The following ZBTB2 variants were observed in gnomAD, a reference collection of about 807,000 sequenced individuals.
The protein encoded by ZBTB2 is zinc finger and BTB domain containing 2, also known as zinc finger and BTB domain-containing protein 2.
In ZBTB2, 2 loss-of-function variants were observed where a neutral mutation model predicts 39.5. That is an observed-to-expected ratio of 0.05 (90% CI 0.02 to 0.16). ZBTB2 has a LOEUF of 0.16. ZBTB2 is among the 10% of genes least tolerant of loss of function. The pLI is 1.00. For missense variants in ZBTB2, 391 were observed against 653.0 expected, an observed-to-expected ratio of 0.60 and a Z score of 4.37; for synonymous variants, 251 against 256.6, an observed-to-expected ratio of 0.98 and a Z score of 0.21.
intron 1 of ZBTB2, among the ~76,000 whole-genome samples, chr6:151,387,959 A>G (rs1029013454): frequency 6.6e-6 from 1 of 152,212 alleles, no homozygotes; most frequent in Non-Finnish European, 1.5e-5. Flanking sequence ...AATTCGAAGT[A>G]ATATTTTAAT....
chr6:151,383,486 A>G (rs1779086081), intron 1 of ZBTB2, among the ~76,000 whole-genome samples: 1 of 152,132 alleles, frequency 6.6e-6, no homozygotes, highest in Admixed American at 6.5e-5. Context: ...ATGTTATTTC[A>G]CTCACTTTGG....
chr6:151,372,499 TG>T (rs569735118), intron 2 of ZBTB2, among the ~76,000 whole-genome samples: 5 of 150,884 alleles, frequency 3.3e-5, no homozygotes, highest in Non-Finnish European at 7.4e-5. Context: ...GGGGGCAGGG[TG>T]GGGGGTGTAT....
intron 1 of ZBTB2, among the ~76,000 whole-genome samples, chr6:151,374,621 A>G (rs1445995204): frequency 2.0e-5 from 3 of 152,290 alleles, no homozygotes; most frequent in East Asian, 3.9e-4. Context: ...TGCCTTCTCC[A>G]TAAGATTGGG....
chr6:151,377,777 G>A (rs1261338139), intron 1 of ZBTB2, among the ~76,000 whole-genome samples: 6 of 151,724 alleles, frequency 4.0e-5, no homozygotes, highest in Admixed American at 6.6e-5. Context: ...CTTGTGATCC[G>A]CCCACCTTGG....
At chr6:151,390,390 G>A (rs1233291389) in intron 1 of ZBTB2, among the ~76,000 whole-genome samples, 1 of 149,918 alleles carries the variant, frequency 6.7e-6, no homozygotes, top group South Asian at 2.1e-4. Flanking sequence ...GGGAGGGAGG[G>A]GCGACGCACT....
At chr6:151,380,336 G>A (rs1340946670) in intron 1 of ZBTB2, among the ~76,000 whole-genome samples, 2 of 152,182 alleles carry the variant, frequency 1.3e-5, no homozygotes, top group African/African-American at 4.8e-5. Context: ...CAAAAGGGTG[G>A]AGAAGGTACT....
At chr6:151,386,032 A>G (rs940606172) in intron 1 of ZBTB2, among the ~76,000 whole-genome samples, 1 of 152,156 alleles carries the variant, frequency 6.6e-6, no homozygotes, top group Non-Finnish European at 1.5e-5. Context: ...TCCTGTTTTC[A>G]ATTATATTTT....
At chr6:151,389,482 G>C (rs1779235579) in intron 1 of ZBTB2, among the ~76,000 whole-genome samples, 1 of 152,174 alleles carries the variant, frequency 6.6e-6, no homozygotes, top group Admixed American at 6.5e-5. Flanking sequence ...TGTACAACTC[G>C]CCCTGGTGCT....
At chr6:151,378,603 C>T (rs1224068955) in intron 1 of ZBTB2, among the ~76,000 whole-genome samples, 1 of 152,172 alleles carries the variant, frequency 6.6e-6, no homozygotes, top group Admixed American at 6.5e-5. Context: ...CGTAAAGTGC[C>T]AGAATACTTC....
Position 151,386,872 on chromosome 6 carries a change from T to C in ZBTB2, c.-13+4548A>G, listed in dbSNP as rs190497482. 4.2e-3 allele frequency among the ~76,000 whole-genome samples: 581 copies of C among 138,552 alleles called. 10 individuals carry two copies. The South Asian group carries it at 0.046, about 11-fold the overall frequency. The allele number at this position is 138,552 out of a possible 152,430, so 90.9% of individuals were successfully genotyped here. ...ATGGAGAAATTTTAGAAATATTTAATTCAATTAAAAACAATAAGGCCATTA... is the reference window on the plus strand; with the variant it reads ...ATGGAGAAATTTTAGAAATATTTAACTCAATTAAAAACAATAAGGCCATTA... On this transcript the variant is annotated intron_variant, in intron 1 of 2. Transcript: ENST00000325144.
chr6:151,385,863 A>G lies in ZBTB2; in HGVS notation c.-13+5557T>C, dbSNP rs118122561. On this transcript the variant is annotated intron_variant, in intron 1 of 2. Transcript: ENST00000325144. ...GAATTTTAATACATTTTAAAACTGTATTTTGAAGGTAGAAAATGCATCTTA... is the reference window on the plus strand; with the variant it reads ...GAATTTTAATACATTTTAAAACTGTGTTTTGAAGGTAGAAAATGCATCTTA... Among the ~76,000 whole-genome samples, 145 of 152,282 alleles carry G rather than the reference A, an allele frequency of 9.5e-4. 3 individuals carry two copies. The East Asian group carries it at 0.027, about 28-fold the overall frequency.
intron 1 of ZBTB2, among the ~76,000 whole-genome samples, chr6:151,383,244 CT>C (rs368963969): frequency 0.014 from 2,102 of 151,992 alleles, 47 homozygotes; most frequent in African/African-American, 0.047. Context: ...TATATGGGGT[CT>C]TGCTATGTTG....
intron 2 of ZBTB2, among the ~76,000 whole-genome samples, chr6:151,372,505 G>T (rs568765923): frequency 2.2e-4 from 33 of 152,222 alleles, no homozygotes; most frequent in South Asian, 1.9e-3. Context: ...AGGGTGGGGG[G>T]TGTATGAAAA....
chr6:151,373,146 C>T (rs1422529226), intron 2 of ZBTB2, among the ~76,000 whole-genome samples: 1 of 102,216 alleles, frequency 9.8e-6, no homozygotes, highest in African/African-American at 4.1e-5. Context: ...CAGAGAGAGA[C>T]TCCGTCTCAA....
chr6:151,388,937 A>ACACTCCACTGTAGTGTAGACTGCTCCTC (rs1389874254), intron 1 of ZBTB2, among the ~76,000 whole-genome samples: 38 of 152,196 alleles, frequency 2.5e-4, no homozygotes, highest in African/African-American at 8.2e-4. Flanking sequence ...GGCGTAGACT[A>ACACTCCACTGTAGTGTAGACTGCTCCTC]CACTCCACTG....
chr6:151,390,484 T>C (rs1320955399), intron 1 of ZBTB2, among the ~76,000 whole-genome samples: 16 of 148,250 alleles, frequency 1.1e-4, no homozygotes, highest in Admixed American at 5.3e-4. Context: ...TTTAACACAA[T>C]GCCGACGCCT....
At chr6:151,389,078 G>A (rs1199592173) in intron 1 of ZBTB2, among the ~76,000 whole-genome samples, 1 of 152,096 alleles carries the variant, frequency 6.6e-6, no homozygotes, top group Non-Finnish European at 1.5e-5. Context: ...AATGAGAAAT[G>A]CCCAGTTTAA....
At chr6:151,387,918 A>G (rs966133987) in intron 1 of ZBTB2, among the ~76,000 whole-genome samples, 2 of 152,182 alleles carry the variant, frequency 1.3e-5, no homozygotes, top group African/African-American at 4.8e-5. Flanking sequence ...CTCTATCGGC[A>G]TTGTAAAAAT....
rs1470429358 is a variant in ZBTB2, at chr6:151,364,691, C to G, written c.*830G>C. 1 of 152,168 alleles carries G rather than the reference C, an allele frequency of 6.6e-6. No individual in the cohort carries two copies. The highest frequency in any genetic ancestry group is 1.5e-5 in the Non-Finnish European group (1 of 68,030). 9.4% of individuals were successfully genotyped at this position (152,168 alleles called of 1,614,324 possible). A position where few individuals can be genotyped will look rare whatever the true frequency, so the allele number is the denominator to read the frequency against. Reference sequence around the variant, plus strand: ...CTGCTAGAAAATGGCATGTCATGTTCTATTCAGAAAGGCAATTTATAGAAT... The same window carrying G: ...CTGCTAGAAAATGGCATGTCATGTTGTATTCAGAAAGGCAATTTATAGAAT... On this transcript the variant is annotated 3_prime_UTR_variant, in exon 3 of 3. Coordinates refer to ENST00000325144, the MANE Select transcript of ZBTB2 (RefSeq NM_020861.3).
Sources: allele counts gnomAD v4.1 joint callset (sites outside exome capture counted in the v4.1 genomes callset), GRCh38; gene constraint gnomAD v4.1.1; transcripts MANE v1.5; gene names NCBI Gene and HGNC (gene_info 2026-07-23, HGNC 2026-07-21).